The following DOCK2 variants were observed in gnomAD, a reference collection of about 807,000 sequenced individuals.
DOCK2 encodes the protein dedicator of cytokinesis 2, also known as dedicator of cytokinesis protein 2.
A neutral mutation model predicts 248.9 loss-of-function variants in DOCK2; 87 were observed. That is an observed-to-expected ratio of 0.35 (90% confidence interval 0.29 to 0.42). The LOEUF (loss-of-function observed/expected upper bound fraction) is 0.42. DOCK2 is among the 10% of genes least tolerant of loss of function. The pLI, the probability that DOCK2 is intolerant of heterozygous loss-of-function variation, is 1.00. For synonymous variants in DOCK2, 805 were observed against 821.6 expected (o/e 0.98, Z 0.35); for missense variants, 1,747 against 2,300.2 (o/e 0.76, Z 4.92).
At chr5:169,911,216 G>A (rs1774577410) in intron 27 of DOCK2, among the ~76,000 whole-genome samples, 1 of 152,134 alleles carries the variant, frequency 6.6e-6, no homozygotes, top group African/African-American at 2.4e-5. Flanking sequence ...GCTGTGCTTT[G>A]AAACAGAGGA....
intron 1 of DOCK2, among the ~76,000 whole-genome samples, chr5:169,645,760 T>C (rs191316422): frequency 1.3e-5 from 2 of 152,264 alleles, no homozygotes; most frequent in Admixed American, 1.3e-4. Flanking sequence ...ATTTATTTAT[T>C]TTTTTGAGAC....
chr5:169,698,282 C>T (rs934963609), intron 10 of DOCK2, 92 bp from the exon 11 acceptor site: 17 of 1,329,880 alleles, frequency 1.3e-5, no homozygotes, highest in South Asian at 6.2e-5. Context: ...GCATCCCAGG[C>T]TCTACCTCCT....
At chr5:169,676,474 G>A (rs907791349) in intron 6 of DOCK2, among the ~76,000 whole-genome samples, 2 of 152,206 alleles carry the variant, frequency 1.3e-5, no homozygotes, top group East Asian at 1.9e-4. Flanking sequence ...TTCCTTTGGG[G>A]AAGTGAGGGA....
intron 2 of DOCK2, among the ~76,000 whole-genome samples, chr5:169,666,499 A>G (rs1758744287): frequency 6.6e-6 from 1 of 152,190 alleles, no homozygotes; most frequent in African/African-American, 2.4e-5. Flanking sequence ...GCCATGTTAC[A>G]CTGAGCCTGC....
intron 30 of DOCK2, 82 bp downstream of exon 30, chr5:169,996,246 T>C (rs1754629708): frequency 1.4e-6 from 2 of 1,411,464 alleles, no homozygotes; most frequent in Non-Finnish European, 2.0e-6. Context: ...ATCAGACACA[T>C]CCCAAAGGCC....
intron 27 of DOCK2, among the ~76,000 whole-genome samples, chr5:169,898,906 C>G (rs565202968): frequency 3.5e-4 from 54 of 152,166 alleles, no homozygotes; most frequent in Non-Finnish European, 6.3e-4. Context: ...TGAGCAACCA[C>G]AGAGACTAAA....
intron 34 of DOCK2, among the ~76,000 whole-genome samples, chr5:170,031,920 T>G (rs1756149967): frequency 6.6e-6 from 1 of 152,190 alleles, no homozygotes; most frequent in South Asian, 2.1e-4. Flanking sequence ...GTAAGGCAGC[T>G]GCTCAGGAAC....
At chr5:169,943,499 A>T (rs1461513887) in intron 27 of DOCK2, among the ~76,000 whole-genome samples, 1 of 152,224 alleles carries the variant, frequency 6.6e-6, no homozygotes, top group Non-Finnish European at 1.5e-5. Context: ...TCTCTTGAGA[A>T]AACAGAAGGT....
chr5:169,819,311 A>AAAC (rs746184665), intron 26 of DOCK2, among the ~76,000 whole-genome samples: 2 of 152,108 alleles, frequency 1.3e-5, no homozygotes, highest in African/African-American at 4.8e-5. Flanking sequence ...ACTCCATCTC[A>AAAC]AACAACAACA....
chr5:169,741,959 A>G (rs559919218), intron 22 of DOCK2, among the ~76,000 whole-genome samples: 24 of 151,992 alleles, frequency 1.6e-4, no homozygotes, highest in East Asian at 5.8e-4. Flanking sequence ...ACAGGCGCCC[A>G]CCACCCTGCC....
chr5:170,066,100 C>T (rs562769561), intron 44 of DOCK2, among the ~76,000 whole-genome samples: 13 of 152,054 alleles, frequency 8.5e-5, no homozygotes, highest in South Asian at 4.2e-4. Context: ...TACAGGCGCC[C>T]GCCACAACGC....
chr5:169,908,726 T>G (rs925695445), intron 27 of DOCK2, among the ~76,000 whole-genome samples: 3 of 147,496 alleles, frequency 2.0e-5, no homozygotes, highest in African/African-American at 5.0e-5. Context: ...TTTTTTTTTT[T>G]TTTTTTGAGA....
chr5:169,879,524 G>T (rs146267057), intron 27 of DOCK2, among the ~76,000 whole-genome samples: 1 of 152,282 alleles, frequency 6.6e-6, no homozygotes, highest in Non-Finnish European at 1.5e-5. Context: ...ATGGTAATGA[G>T]GGATATATGC....
chr5:169,936,024 G>A (rs561208071), intron 27 of DOCK2, among the ~76,000 whole-genome samples: 30 of 152,228 alleles, frequency 2.0e-4, no homozygotes, highest in African/African-American at 6.3e-4. Flanking sequence ...GTGGCATGGC[G>A]GTGGGGGGAA....
chr5:169,700,938 A>G (rs1015224635), intron 13 of DOCK2, among the ~76,000 whole-genome samples: 7 of 113,004 alleles, frequency 6.2e-5, no homozygotes, highest in African/African-American at 2.0e-4. Context: ...CAAGAAAAAG[A>G]AGGAGAGAAA....
chr5:169,791,954 A>T (rs1766362336), intron 25 of DOCK2, among the ~76,000 whole-genome samples: 1 of 152,052 alleles, frequency 6.6e-6, no homozygotes, highest in Non-Finnish European at 1.5e-5. Flanking sequence ...TGCTGAGAAG[A>T]CTCTATTTGA....
intron 25 of DOCK2, among the ~76,000 whole-genome samples, chr5:169,765,457 A>G (rs1210116957): frequency 1.3e-5 from 2 of 152,250 alleles, no homozygotes; most frequent in Non-Finnish European, 2.9e-5. Flanking sequence ...TGGTGATGAC[A>G]GGAGAAAGGA....
rs770738793 is a variant in DOCK2, at chr5:169,674,468, AGAGG to A, written c.470+24_470+27del. On this transcript the variant is annotated intron_variant, in intron 6 of 51. Coordinates refer to ENST00000520908, the MANE Select transcript of DOCK2 (RefSeq NM_004946.3). ...CAAGTAACCTCTCTTTCCTCTGCAA[AGAGG>A]TTTTCTTCCCCCAGCCATCCTCTTT... 10 of 1,612,444 alleles carry A rather than the reference AGAGG, an allele frequency of 6.2e-6. No individual in the cohort carries two copies. The Admixed American group carries it at 1.2e-4, about 19-fold the overall frequency.
At chr5:169,716,769 G>T (rs1024303158) in intron 20 of DOCK2, among the ~76,000 whole-genome samples, 1 of 151,796 alleles carries the variant, frequency 6.6e-6, no homozygotes, top group Non-Finnish European at 1.5e-5. Context: ...CCTTCTTTTA[G>T]TCCTCCCCTA....
Sources: gnomAD v4.1 joint callset for allele counts (sites outside exome capture counted in the v4.1 genomes callset) on GRCh38, gnomAD v4.1.1 for gene constraint, MANE v1.5 for transcripts, NCBI Gene and HGNC (gene_info 2026-07-23, HGNC 2026-07-21) for gene names.